PRLR: variants seen among roughly 807,000 people sequenced by gnomAD.
The protein encoded by PRLR is prolactin receptor, also known as hPRL receptor.
PRLR carries 13 observed loss-of-function variants against 40.2 expected under a neutral mutation model. The observed-to-expected ratio is 0.32, with a 90% CI of 0.21 to 0.51. The LOEUF is 0.51. Ranked by LOEUF, PRLR falls within the 20% of genes least tolerant of loss-of-function variation. The pLI, the probability that PRLR is intolerant of heterozygous loss-of-function variation, is 0.97. For synonymous variants in PRLR, 269 were observed against 278.7 expected (o/e 0.97, Z 0.35); for missense variants, 656 against 747.3 (o/e 0.88, Z 1.42).
At chr5:35,221,254 TTAA>T (rs1776411305) in intron 1 of PRLR, among the ~76,000 whole-genome samples, 1 of 152,180 alleles carries the variant, frequency 6.6e-6, no homozygotes, top group Non-Finnish European at 1.5e-5. Flanking sequence ...CAAGTCTTGG[TTAA>T]CTAAAGATTA....
At chr5:35,117,108 G>A (rs934257919) in intron 2 of PRLR, among the ~76,000 whole-genome samples, 13 of 152,120 alleles carry the variant, frequency 8.5e-5, no homozygotes, top group African/African-American at 2.9e-4. Context: ...GATGCACAGA[G>A]GAGCCCCACC....
intron 1 of PRLR, among the ~76,000 whole-genome samples, chr5:35,218,288 C>T (rs1448400532): frequency 6.6e-6 from 1 of 152,026 alleles, no homozygotes; most frequent in Non-Finnish European, 1.5e-5. Context: ...GTTGAATAAA[C>T]AAATTGATGA....
intron 1 of PRLR, among the ~76,000 whole-genome samples, chr5:35,178,039 G>A (rs368868698): frequency 7.3e-5 from 11 of 151,022 alleles, no homozygotes; most frequent in Admixed American, 1.3e-4. Flanking sequence ...ACTCATTGTC[G>A]TTCTGATTTG....
chr5:35,206,100 T>C (rs1418109366), intron 1 of PRLR, among the ~76,000 whole-genome samples: 1 of 152,128 alleles, frequency 6.6e-6, no homozygotes. Flanking sequence ...CAGGTAGCCA[T>C]TATGAGATAA....
At chr5:35,229,062 C>T (rs1052213813) in intron 1 of PRLR, among the ~76,000 whole-genome samples, 4 of 151,082 alleles carry the variant, frequency 2.6e-5, no homozygotes, top group Non-Finnish European at 2.9e-5. Context: ...TTTTCATCTG[C>T]TCCTCTCTTG....
At chr5:35,080,642 C>G (rs190298046) in intron 5 of PRLR, among the ~76,000 whole-genome samples, 1 of 152,232 alleles carries the variant, frequency 6.6e-6, no homozygotes, top group South Asian at 2.1e-4. Context: ...GGCGATTCCT[C>G]AAGGATCTAG....
intron 1 of PRLR, among the ~76,000 whole-genome samples, chr5:35,158,045 G>A (rs746986218): frequency 5.9e-5 from 9 of 152,144 alleles, no homozygotes; most frequent in African/African-American, 9.7e-5. Flanking sequence ...TGAAAATGGC[G>A]GTCCTTTTCT....
intron 1 of PRLR, among the ~76,000 whole-genome samples, chr5:35,163,255 G>A (rs758224540): frequency 2.0e-5 from 3 of 152,128 alleles, no homozygotes; most frequent in Non-Finnish European, 4.4e-5. Flanking sequence ...TCGTCTGTGA[G>A]CCTAATTTTT....
intron 1 of PRLR, among the ~76,000 whole-genome samples, chr5:35,211,505 A>G (rs1330875393): frequency 2.0e-5 from 3 of 152,248 alleles, no homozygotes; most frequent in Admixed American, 6.5e-5. Context: ...ATAACAGAAT[A>G]TGGTTAATAC....
rs565974066 is a variant in PRLR at position 35,090,410 on chromosome 5, A to C, written c.-43-747T>G. On this transcript the variant is annotated intron_variant, in intron 2 of 9. Coordinates refer to ENST00000618457, the MANE Select transcript of PRLR (RefSeq NM_000949.7). Reference sequence around the variant, plus strand: ...ATTATTACCCTTGGAACAACGTTCAAAGCCTCTAAATGGCCTTGTAAGAAA... The same window carrying C: ...ATTATTACCCTTGGAACAACGTTCACAGCCTCTAAATGGCCTTGTAAGAAA... Among the ~76,000 whole-genome samples, 4 of 152,312 alleles carry C rather than the reference A, an allele frequency of 2.6e-5. No individual in the cohort carries two copies. In the South Asian group the frequency reaches 8.3e-4, roughly 32 times the overall value.
chr5:35,217,002 C>T (rs2111660242), intron 1 of PRLR, among the ~76,000 whole-genome samples: 2 of 152,216 alleles, frequency 1.3e-5, no homozygotes, highest in Middle Eastern at 6.8e-3. Flanking sequence ...TCTAGAATTC[C>T]CCTTTAGGTG....
rs547334245 is a variant in PRLR, at chr5:35,072,380, G to A, written c.543+195C>T. On this transcript the variant is annotated intron_variant, in intron 6 of 9. Coordinates refer to ENST00000618457, the MANE Select transcript of PRLR (RefSeq NM_000949.7). ...TCTGAGCAGTACAAGAAACTAGCCC[G>A]AGGAGAGCTGTGAAGATGAGCCCCC... Among the ~76,000 whole-genome samples the A allele has an allele frequency of 5.3e-5, 8 of 152,208 alleles. No homozygotes were observed. In the East Asian group the frequency reaches 5.8e-4, roughly 11 times the overall value.
At chr5:35,213,890 G>A (rs1376762856) in intron 1 of PRLR, among the ~76,000 whole-genome samples, 1 of 152,246 alleles carries the variant, frequency 6.6e-6, no homozygotes, top group Non-Finnish European at 1.5e-5. Context: ...CTGGGGCCCA[G>A]TTCCTGCAGA....
intron 1 of PRLR, among the ~76,000 whole-genome samples, chr5:35,188,060 T>C (rs796336062): frequency 5.9e-5 from 9 of 152,296 alleles, no homozygotes; most frequent in African/African-American, 2.2e-4. Flanking sequence ...GCAACCTTTT[T>C]TGTCAGGCAG....
intron 7 of PRLR, among the ~76,000 whole-genome samples, chr5:35,069,379 A>C (rs1016643908): frequency 1.3e-5 from 2 of 152,202 alleles, no homozygotes; most frequent in Non-Finnish European, 2.9e-5. Context: ...AAGAGTCAGG[A>C]GTGGACTAGA....
chr5:35,069,890 T>TG (rs1216475708), intron 7 of PRLR, among the ~76,000 whole-genome samples: 4 of 152,214 alleles, frequency 2.6e-5, no homozygotes, highest in Non-Finnish European at 4.4e-5. Flanking sequence ...TCAAGCCCCT[T>TG]GGGGCATCAG....
chr5:35,086,331 G>A lies in PRLR; in HGVS notation c.80C>T (p.Pro27Leu), dbSNP rs755819247. ...LNTCLLNGQL[P>L]PGKPEIFKCR... is the part of the protein sequence containing the mutation. The stretch of plus-strand genomic sequence containing the variant: ...TTTAAAGATCTCAGGTTTTCCAGGA[G>A]GTAACTGTCCTAGAAAAAGCCAGAA... Residue 27 changes from proline (P) to leucine (L), a missense_variant, in exon 4 of 10, where the codon CCT becomes CTT. This residue lies in a region of PRLR where 180 missense variants were observed against 236.8 expected (regional missense o/e 0.76). Transcript: ENST00000618457. 1 of 1,613,396 alleles carries A rather than the reference G, an allele frequency of 6.2e-7. No homozygotes were observed. The highest frequency in any genetic ancestry group is 8.5e-7 in the Non-Finnish European group (1 of 1,179,736).
intron 1 of PRLR, among the ~76,000 whole-genome samples, chr5:35,210,622 C>A (rs574713364): frequency 8.5e-5 from 13 of 152,250 alleles, no homozygotes; most frequent in Admixed American, 7.8e-4. Context: ...AAATTATATC[C>A]AAGATTTTCT....
At chr5:35,096,004 T>C (rs1368551938) in intron 2 of PRLR, among the ~76,000 whole-genome samples, 1 of 152,140 alleles carries the variant, frequency 6.6e-6, no homozygotes, top group East Asian at 1.9e-4. Flanking sequence ...GTGAAGATCA[T>C]CAAGAGGAGC....
Sources: allele counts gnomAD v4.1 joint callset (sites outside exome capture counted in the v4.1 genomes callset), GRCh38; gene constraint gnomAD v4.1.1; regional missense constraint gnomAD v4.1.1; transcripts MANE v1.5; gene names NCBI Gene and HGNC (gene_info 2026-07-23, HGNC 2026-07-21).